Variants in NUP160 observed in about 807,000 individuals in gnomAD.
NUP160 encodes nuclear pore complex protein Nup160.
Under a neutral mutation model 196.9 loss-of-function variants are expected in NUP160, and 94 were observed. That is an observed-to-expected ratio of 0.48 (90% CI 0.40 to 0.57). The LOEUF is 0.57. Ranked by LOEUF, NUP160 falls within the 20% of genes least tolerant of loss-of-function variation. NUP160 has a pLI of 0.00. For missense variants in NUP160, 1,638 were observed against 1,748.3 expected, an observed-to-expected ratio of 0.94 and a Z score of 1.13; for synonymous variants, 605 against 619.7, an observed-to-expected ratio of 0.98 and a Z score of 0.35.
At chr11:47,812,953 C>A (rs753180882) in exon 15 of NUP160, 2 of 1,613,256 alleles carry the variant, frequency 1.2e-6, no homozygotes, top group Admixed American at 1.7e-5. Flanking sequence ...TATAACAACT[C>A]ATTTCCATTA....
At chr11:47,833,112 G>A (rs1021882370) in intron 7 of NUP160, among the ~76,000 whole-genome samples, 13 of 152,082 alleles carry the variant, frequency 8.5e-5, no homozygotes, top group Non-Finnish European at 1.8e-4. Context: ...CTCATTGAAT[G>A]GTATACTTTA....
exon 15 of NUP160, chr11:47,812,925 T>C (rs982033842): frequency 3.1e-6 from 5 of 1,613,550 alleles, no homozygotes; most frequent in East Asian, 4.5e-5. Context: ...TCTGCAGCCT[T>C]TTCCGGAGAC....
intron 17 of NUP160, 45 bp from the exon 18 acceptor site, chr11:47,808,574 T>C (rs1222494081): frequency 3.2e-6 from 5 of 1,546,156 alleles, no homozygotes; most frequent in Non-Finnish European, 4.4e-6. Context: ...TTATAGCAAT[T>C]AGTAATGGTA....
chr11:47,814,682 A>C lies in NUP160; in HGVS notation c.1686+797T>G, dbSNP rs534981069. Among the ~76,000 whole-genome samples, 37 of 152,250 alleles carry C rather than the reference A, an allele frequency of 2.4e-4. No homozygotes were observed. In the South Asian group the frequency reaches 5.6e-3, roughly 23 times the overall value. The stretch of plus-strand genomic sequence containing the variant: ...CTGTATAATATTATGTCAATATCAA[A>C]TAACCTGATTTTTAAATTGGGCTGT... On this transcript the variant is annotated intron_variant, in intron 13 of 35. Transcript: ENST00000378460.
At chr11:47,789,983 T>C (rs1269149651) in intron 29 of NUP160, among the ~76,000 whole-genome samples, 1 of 151,780 alleles carries the variant, frequency 6.6e-6, no homozygotes, top group Admixed American at 6.6e-5. Flanking sequence ...TTCGCCCTTA[T>C]TGCCCAGACT....
intron 7 of NUP160, 116 bp from the exon 8 acceptor site, chr11:47,822,280 AAG>A: frequency 1.7e-6 from 1 of 592,622 alleles, no homozygotes; most frequent in Non-Finnish European, 2.9e-6. Context: ...TTTTTGAAAG[AAG>A]AGTCTTGCTC....
intron 23 of NUP160, among the ~76,000 whole-genome samples, chr11:47,799,325 A>T (rs1353877273): frequency 6.6e-6 from 1 of 152,016 alleles, no homozygotes; most frequent in Non-Finnish European, 1.5e-5. Context: ...ACCTCAGGTG[A>T]TCTGCCTGCC....
intron 9 of NUP160, chr11:47,821,352 C>CTTTTTTTTTTTTTTTTT (rs763021512): frequency 1.1e-5 from 1 of 94,960 alleles, no homozygotes; most frequent in Non-Finnish European, 2.0e-5. Flanking sequence ...GCTCCCTTGT[C>CTTTTTTTTTTTTTTTTT]TTTTTTTTTT....
chr11:47,815,501 T>C (rs2097683895), exon 13 of NUP160: 2 of 1,607,038 alleles, frequency 1.2e-6, no homozygotes, highest in Non-Finnish European at 8.5e-7. Context: ...GCACACCATG[T>C]TTGTGTGTGG....
intron 19 of NUP160, chr11:47,806,623 T>C (rs1316380699): frequency 1.1e-5 from 3 of 277,892 alleles, no homozygotes; most frequent in African/African-American, 6.6e-5. Flanking sequence ...ATTTCAACTT[T>C]TATACCAGAA....
At chr11:47,840,244 C>CTG in intron 3 of NUP160, 134 bp downstream of exon 3, 1 of 866,314 alleles carries the variant, frequency 1.2e-6, no homozygotes, top group Non-Finnish European at 1.9e-6. Flanking sequence ...TAAGCGGTAG[C>CTG]TATCAAAGTA....
intron 11 of NUP160, among the ~76,000 whole-genome samples, chr11:47,817,729 AACC>A (rs539544974): frequency 1.9e-3 from 286 of 152,302 alleles, no homozygotes; most frequent in Middle Eastern, 0.014. Context: ...CTAAACAAAA[AACC>A]ACTTTAAGTT....
intron 23 of NUP160, among the ~76,000 whole-genome samples, chr11:47,799,346 A>G (rs1480575258): frequency 1.3e-5 from 2 of 152,088 alleles, no homozygotes; most frequent in African/African-American, 4.8e-5. Context: ...TCAGCTTCCC[A>G]AAGTGCTAAG....
intron 27 of NUP160, among the ~76,000 whole-genome samples, chr11:47,794,392 G>A (rs1465146546): frequency 2.6e-5 from 4 of 152,040 alleles, no homozygotes; most frequent in South Asian, 4.1e-4. Context: ...GGAGAATGGC[G>A]TGAACCCGGG....
At chr11:47,795,886 T>G (rs2097670605) in intron 27 of NUP160, among the ~76,000 whole-genome samples, 1 of 152,060 alleles carries the variant, frequency 6.6e-6, no homozygotes, top group Non-Finnish European at 1.5e-5. Flanking sequence ...GCGCAGTGGC[T>G]CACGGCTGTA....
At chr11:47,809,110 A>AG (rs1285201727) in intron 17 of NUP160, among the ~76,000 whole-genome samples, 1 of 151,834 alleles carries the variant, frequency 6.6e-6, no homozygotes, top group East Asian at 1.9e-4. Flanking sequence ...TAAAAAAGAA[A>AG]AAAAAAAATT....
chr11:47,847,921 C>T, exon 2 of NUP160: 2 of 1,614,178 alleles, frequency 1.2e-6, no homozygotes, highest in Non-Finnish European at 1.7e-6. Context: ...CCCGCGCTTT[C>T]ACTGTATTTT....
chr11:47,798,012 A>C, exon 26 of NUP160: 2 of 1,581,170 alleles, frequency 1.3e-6, no homozygotes, highest in Non-Finnish European at 1.7e-6. Context: ...AAACTCTACA[A>C]GATCCTGTAG....
intron 2 of NUP160, among the ~76,000 whole-genome samples, chr11:47,846,817 T>A (rs1236480143): frequency 6.6e-6 from 1 of 152,222 alleles, no homozygotes; most frequent in East Asian, 1.9e-4. Flanking sequence ...ATTGTGTGTA[T>A]ATTCCTATAT....
Sources: gnomAD v4.1 joint callset for allele counts (sites outside exome capture counted in the v4.1 genomes callset) on GRCh38, gnomAD v4.1.1 for gene constraint, MANE v1.5 for transcripts, NCBI Gene and HGNC (gene_info 2026-07-23, HGNC 2026-07-21) for gene names.